Variants in UBASH3A observed in about 807,000 individuals in gnomAD.
UBASH3A encodes ubiquitin-associated and SH3 domain-containing protein A.
In UBASH3A, 63 loss-of-function variants were observed where a neutral mutation model predicts 73.5. The observed-to-expected ratio is 0.86, with a 90% CI of 0.70 to 1.06. The LOEUF (loss-of-function observed/expected upper bound fraction) is 1.06, where lower values mean the gene tolerates loss of function less well. UBASH3A is among the 50% of genes least tolerant of loss of function. The probability of loss-of-function intolerance (pLI) is 0.00; values close to 1 mark genes in which losing one functional copy is unlikely to be tolerated. For missense variants in UBASH3A, 860 were observed against 859.0 expected, an observed-to-expected ratio of 1.00 and a Z score of -0.02; for synonymous variants, 363 against 351.1, an observed-to-expected ratio of 1.03 and a Z score of -0.38.
At chr21:42,439,748 C>G (rs1181096718) in intron 11 of UBASH3A, among the ~76,000 whole-genome samples, 3 of 143,428 alleles carry the variant, frequency 2.1e-5, no homozygotes, top group Non-Finnish European at 4.6e-5. Context: ...CCCACACACA[C>G]CACACACACC....
At chr21:42,406,170 C>T (rs2052970915) in intron 1 of UBASH3A, 138 bp from the exon 2 acceptor site, 1 of 753,092 alleles carries the variant, frequency 1.3e-6, no homozygotes, top group East Asian at 2.6e-5. Context: ...GCTAGAACTT[C>T]CAGCTGGAAG....
chr21:42,417,878 C>CT (rs796939696), intron 6 of UBASH3A, among the ~76,000 whole-genome samples: 4,441 of 90,652 alleles, frequency 0.049, 218 homozygotes, highest in East Asian at 0.11. Flanking sequence ...TTCTTTTTTT[C>CT]TTTTTTTTTT....
intron 1 of UBASH3A, among the ~76,000 whole-genome samples, chr21:42,406,105 G>T (rs1250155484): frequency 1.3e-5 from 2 of 151,926 alleles, no homozygotes; most frequent in Non-Finnish European, 2.9e-5. Flanking sequence ...TGAGGGGGAG[G>T]TGTGAGCTGG....
chr21:42,406,253 C>A, intron 1 of UBASH3A, 55 bp from the exon 2 acceptor site: 1 of 1,483,830 alleles, frequency 6.7e-7, no homozygotes, highest in Non-Finnish European at 9.4e-7. Context: ...GCCTCTCTGA[C>A]CCTTTTCCCA....
At chr21:42,412,860 A>G (rs1054118338) in intron 3 of UBASH3A, among the ~76,000 whole-genome samples, 164 bp from the exon 4 acceptor site, 1 of 152,250 alleles carries the variant, frequency 6.6e-6, no homozygotes. Flanking sequence ...CAGGTATAGA[A>G]CAAATCCATA....
chr21:42,445,669 A>G (rs1017470291), intron 14 of UBASH3A, among the ~76,000 whole-genome samples: 16 of 152,236 alleles, frequency 1.1e-4, no homozygotes, highest in Non-Finnish European at 8.8e-5. Flanking sequence ...TCACTCAGCA[A>G]TTAGGCATCA....
intron 12 of UBASH3A, 30 bp downstream of exon 12, chr21:42,442,626 G>C (rs1252346256): frequency 6.3e-7 from 1 of 1,575,944 alleles, no homozygotes; most frequent in South Asian, 1.2e-5. Context: ...TCTGCCACTG[G>C]GGCTTTTCCA....
At chr21:42,431,964 CAAAATGGGCTGAGCTATTGACT>C (rs2146571039) in intron 8 of UBASH3A, 117 bp from the exon 9 acceptor site, 1 of 581,590 alleles carries the variant, frequency 1.7e-6, no homozygotes, top group African/African-American at 1.9e-5. Context: ...ATGATTTGGG[CAAAATGGGCTGAGCTATTGACT>C]AACGAAGGAA....
intron 10 of UBASH3A, 21 bp downstream of exon 10, chr21:42,434,975 G>A (rs761280264): frequency 6.2e-6 from 10 of 1,612,810 alleles, no homozygotes; most frequent in Middle Eastern, 1.7e-4. Flanking sequence ...GGACTGTCTA[G>A]TAGGAAAGGT....
chr21:42,441,252 A>G (rs1261219866), intron 11 of UBASH3A, among the ~76,000 whole-genome samples: 1 of 152,164 alleles, frequency 6.6e-6, no homozygotes, highest in Non-Finnish European at 1.5e-5. Flanking sequence ...GAATGTCCAC[A>G]TGAACCATTT....
intron 3 of UBASH3A, among the ~76,000 whole-genome samples, chr21:42,409,955 C>T (rs74461418): frequency 1.6e-3 from 250 of 152,182 alleles, no homozygotes; most frequent in African/African-American, 5.9e-3. Flanking sequence ...CTCACCAGAC[C>T]GAGTCCCTCA....
chr21:42,432,427 A>G (rs2053550165), intron 9 of UBASH3A, among the ~76,000 whole-genome samples: 2 of 134,282 alleles, frequency 1.5e-5, no homozygotes, highest in Admixed American at 1.4e-4. Flanking sequence ...ACCTAATCTT[A>G]ACTGATGTAA....
chr21:42,412,070 C>T (rs1015208709), intron 3 of UBASH3A, among the ~76,000 whole-genome samples: 2 of 152,186 alleles, frequency 1.3e-5, no homozygotes, highest in Admixed American at 6.5e-5. Context: ...GGCCAACTCC[C>T]GCCAGGAGGG....
At chr21:42,411,917 A>T (rs900462547) in intron 3 of UBASH3A, among the ~76,000 whole-genome samples, 4 of 152,344 alleles carry the variant, frequency 2.6e-5, no homozygotes, top group African/African-American at 9.6e-5. Flanking sequence ...CAGAGAAAAC[A>T]GACAGGGAGG....
intron 12 of UBASH3A, chr21:42,443,076 T>C: frequency 7.7e-7 from 1 of 1,295,660 alleles, no homozygotes; most frequent in Non-Finnish European, 9.9e-7. Context: ...TCCACCCATG[T>C]CTGACTCTGC....
At chr21:42,438,384 C>T (rs1157568606) in intron 11 of UBASH3A, among the ~76,000 whole-genome samples, 9 of 151,982 alleles carry the variant, frequency 5.9e-5, no homozygotes, top group Admixed American at 4.6e-4. Context: ...TGGGGTGCGC[C>T]GAAGGAATGA....
chr21:42,404,076 A>AC lies in UBASH3A; in HGVS notation c.113+22dup. The AC allele has an allele frequency of 7.2e-7, 1 of 1,384,294 alleles. No individual in the cohort carries two copies. The highest frequency in any genetic ancestry group is 9.6e-7 in the Non-Finnish European group (1 of 1,043,910). 85.8% of individuals were successfully genotyped at this position (1,384,294 alleles called of 1,614,324 possible). A position where few individuals can be genotyped will look rare whatever the true frequency, so the allele number is the denominator to read the frequency against. On this transcript the variant is annotated intron_variant, in intron 1 of 14. Coordinates refer to ENST00000319294, the MANE Select transcript of UBASH3A (RefSeq NM_018961.4). Reference sequence around the variant, plus strand: ...CACACCGCGTGAGTACTGCCCAGAGACCCCGGGGCCCAGCCAGTAAGGCTG... The same window carrying AC: ...CACACCGCGTGAGTACTGCCCAGAGACCCCCGGGGCCCAGCCAGTAAGGCTG...
rs765238862 is a variant in UBASH3A at position 42,447,059 on chromosome 21, C to T, written c.1851C>T (p.Ile617=). 6 of 1,612,156 alleles carry T rather than the reference C, an allele frequency of 3.7e-6. No homozygotes were observed. The highest frequency in any genetic ancestry group is 4.2e-6 in the Non-Finnish European group (5 of 1,179,342). ...CGDFAQLVRK[I]PSLGMCFCEE... Reference sequence around the variant, plus strand: ...AGTGATTTAAAACTCTGTTCCAGATCCCTTCCCTGGGCATGTGCTTCTGTG... The same window carrying T: ...AGTGATTTAAAACTCTGTTCCAGATTCCTTCCCTGGGCATGTGCTTCTGTG... The change falls in exon 15 of 15, where the codon ATC becomes ATT. Residue 617 remains isoleucine (I), a splice_region_variant and synonymous_variant. Coordinates refer to ENST00000319294, the MANE Select transcript of UBASH3A (RefSeq NM_018961.4).
In UBASH3A at chr21:42,418,576, G is replaced by C. The variant is rs761615381; in HGVS notation, c.1013G>C (p.Arg338Pro). 5.0e-6 allele frequency: 8 copies of C among 1,614,028 alleles called. No individual in the cohort carries two copies. The highest frequency in any genetic ancestry group is 5.9e-6 in the Non-Finnish European group (7 of 1,180,036). ...TTCCTGCCGGAAAACTACACGGATC[G>C]AGCCAGTGAGTCTGACACGTGGGTG... ...RGFLPENYTD[R>P]ASESDTWVKH... is the part of the protein sequence containing the mutation. Residue 338 changes from arginine (R) to proline (P), a missense_variant, in exon 7 of 15, where the codon CGA (arginine) becomes CCA (proline). Transcript: ENST00000319294.
Sources: gnomAD v4.1 joint callset for allele counts (sites outside exome capture counted in the v4.1 genomes callset) on GRCh38, gnomAD v4.1.1 for gene constraint, MANE v1.5 for transcripts, NCBI Gene and HGNC (gene_info 2026-07-23, HGNC 2026-07-21) for gene names.